IGSF23: variants seen among roughly 807,000 people sequenced by gnomAD.
IGSF23 encodes immunoglobulin superfamily member 23, also known as immunoglobulin superfamily, member 23.
A neutral mutation model predicts 17.8 loss-of-function variants in IGSF23; 14 were observed. That is an observed-to-expected ratio of 0.79 (90% CI 0.52 to 1.23). The LOEUF (loss-of-function observed/expected upper bound fraction) is 1.23. IGSF23 is among the 50% of genes most tolerant of loss of function. The probability of loss-of-function intolerance (pLI) is 0.00; values close to 1 mark genes in which losing one functional copy is unlikely to be tolerated. For missense variants in IGSF23, 214 were observed against 241.7 expected, an observed-to-expected ratio of 0.89 and a Z score of 0.76; for synonymous variants, 85 against 92.5, an observed-to-expected ratio of 0.92 and a Z score of 0.46.
intron 3 of IGSF23, chr19:44,632,311 C>A: frequency 5.5e-6 from 1 of 182,510 alleles, no homozygotes; most frequent in Non-Finnish European, 1.1e-5. Context: ...TGTGTCAGCC[C>A]TTCTTTAAGG....
intron 3 of IGSF23, among the ~76,000 whole-genome samples, chr19:44,628,088 GT>G (rs1972695484): frequency 6.6e-6 from 1 of 151,942 alleles, no homozygotes; most frequent in African/African-American, 2.4e-5. Context: ...GGGATTACAG[GT>G]GCATACCACC....
chr19:44,635,696 A>G (rs780905812), intron 4 of IGSF23, among the ~76,000 whole-genome samples: 7 of 152,182 alleles, frequency 4.6e-5, no homozygotes, highest in African/African-American at 9.6e-5. Flanking sequence ...CAAGCAGTCT[A>G]TATTTCATAA....
chr19:44,621,178 G>A (rs1456222659), intron 1 of IGSF23, among the ~76,000 whole-genome samples: 1 of 151,548 alleles, frequency 6.6e-6, no homozygotes, highest in African/African-American at 2.4e-5. Context: ...AGCTACTCAG[G>A]AGGCTGAGAT....
At position 44,613,620 on chromosome 19, in the gene IGSF23, C is replaced by T. The variant is rs776945760; in HGVS notation, c.-26C>T. On this transcript the variant is annotated 5_prime_UTR_variant, in exon 1 of 5. Transcript: ENST00000402988. ...GGCGATTCTGCTTCTCCCTCCATCT[C>T]CCGGCGGGGATTGTACGGTGAGAGA... 5.3e-5 allele frequency: 80 copies of T among 1,522,818 alleles called. No homozygotes were observed. The South Asian group carries it at 9.5e-4, about 18-fold the overall frequency. 94.3% of individuals were successfully genotyped at this position (1,522,818 alleles called of 1,614,324 possible). A position where few individuals can be genotyped will look rare whatever the true frequency, so the allele number is the denominator to read the frequency against.
intron 1 of IGSF23, among the ~76,000 whole-genome samples, chr19:44,622,839 T>C (rs1972550415): frequency 6.6e-6 from 1 of 152,138 alleles, no homozygotes; most frequent in South Asian, 2.1e-4. Context: ...TCCCTCTGCC[T>C]GGAACATTTT....
intron 4 of IGSF23, 135 bp downstream of exon 4, chr19:44,635,600 G>A (rs953656016): frequency 5.2e-6 from 3 of 580,916 alleles, no homozygotes; most frequent in Non-Finnish European, 8.9e-6. Flanking sequence ...CTCCTGTGGA[G>A]AGCTCCAGGA....
At chr19:44,634,329 C>T (rs1293118553) in intron 3 of IGSF23, among the ~76,000 whole-genome samples, 1 of 152,186 alleles carries the variant, frequency 6.6e-6, no homozygotes, top group African/African-American at 2.4e-5. Context: ...TCAGACTCAG[C>T]AGTTTTCTTT....
chr19:44,624,288 TTC>T (rs1233081540), intron 2 of IGSF23, among the ~76,000 whole-genome samples: 2 of 150,758 alleles, frequency 1.3e-5, no homozygotes, highest in African/African-American at 2.4e-5. Flanking sequence ...CTTCTTCTTC[TTC>T]TTTTTTTTTT....
chr19:44,626,828 A>G (rs1972659346), intron 2 of IGSF23, among the ~76,000 whole-genome samples: 1 of 152,010 alleles, frequency 6.6e-6, no homozygotes, highest in South Asian at 2.1e-4. Context: ...AGGCTGAGAC[A>G]CAAGAATTAC....
intron 1 of IGSF23, among the ~76,000 whole-genome samples, chr19:44,622,817 T>G (rs1972549969): frequency 6.6e-6 from 1 of 152,008 alleles, no homozygotes; most frequent in Non-Finnish European, 1.5e-5. Flanking sequence ...CTCAGGGCCT[T>G]TTACTTGGTG....
At chr19:44,627,343 G>T in intron 2 of IGSF23, 77 bp from the exon 3 acceptor site, 1 of 1,366,234 alleles carries the variant, frequency 7.3e-7, no homozygotes, top group South Asian at 1.5e-5. Flanking sequence ...ACTTGGGAGG[G>T]GGAATGGCAG....
chr19:44,630,911 G>A (rs1972750637), intron 3 of IGSF23, among the ~76,000 whole-genome samples: 1 of 152,162 alleles, frequency 6.6e-6, no homozygotes, highest in African/African-American at 2.4e-5. Flanking sequence ...TGCTGTACAT[G>A]ACCTTGTGGA....
chr19:44,629,734 A>G (rs1213952031), intron 3 of IGSF23, among the ~76,000 whole-genome samples: 1 of 149,246 alleles, frequency 6.7e-6, no homozygotes, highest in African/African-American at 2.5e-5. Context: ...TCTGGGTTGA[A>G]GTGATTCTCC....
rs1436416240 is a variant in IGSF23, at chr19:44,623,973, G to T, written c.391+1G>T. 2.6e-6 allele frequency: 4 copies of T among 1,547,416 alleles called. No individual in the cohort carries two copies. Among genetic ancestry groups the T allele is most frequent in the Non-Finnish European group, 3.5e-6 (4 of 1,145,976 alleles). On this transcript the variant is annotated splice_donor_variant, in intron 2 of 4. Transcript: ENST00000402988. LOFTEE classifies it high-confidence loss of function. The stretch of plus-strand genomic sequence containing the variant: ...GAGCCTGTAACCATCTCGCTGCCAA[G>T]TGAGTCCCCCATTCCACCCCACCCC...
rs909757633 is a variant in IGSF23, at chr19:44,615,307, T to C, written c.125+1537T>C. Among the ~76,000 whole-genome samples, 4 of 148,936 alleles carry C rather than the reference T, an allele frequency of 2.7e-5. No individual in the cohort carries two copies. In the East Asian group the frequency reaches 6.1e-4, roughly 23 times the overall value. ...CCGTCTCAAAAATAAATAAATAAAG[T>C]TCAGTTCTGAGCCGGGTGCAGTGGC... On this transcript the variant is annotated intron_variant, in intron 1 of 4. Transcript: ENST00000402988.
rs998521795 is a variant in IGSF23, at chr19:44,635,002, C to T, written c.546-399C>T. 3.3e-5 allele frequency among the ~76,000 whole-genome samples: 5 copies of T among 152,120 alleles called. No homozygotes were observed. In the South Asian group the frequency reaches 6.2e-4, roughly 19 times the overall value. ...TCCAGCTGCTGTAACAAAAATGCTA[C>T]AGACCGGGGGGGCTTAAACAACAAA... is the stretch of plus-strand genomic sequence containing the variant. On this transcript the variant is annotated intron_variant, in intron 3 of 4. Transcript: ENST00000402988.
chr19:44,618,593 G>A (rs1221889734), intron 1 of IGSF23, among the ~76,000 whole-genome samples: 1 of 152,150 alleles, frequency 6.6e-6, no homozygotes, highest in African/African-American at 2.4e-5. Context: ...TTCAGCTGTT[G>A]GGGTGTCTGG....
intron 3 of IGSF23, among the ~76,000 whole-genome samples, chr19:44,633,337 G>A (rs148027690): frequency 2.5e-3 from 377 of 152,294 alleles, no homozygotes; most frequent in East Asian, 8.3e-3. Context: ...AATCTTTGGC[G>A]GGAACTTTGT....
chr19:44,636,458 A>C lies in IGSF23; in HGVS notation c.*71A>C, dbSNP rs576795434. 6.6e-6 allele frequency: 1 copy of C among 152,128 alleles called. No individual in the cohort carries two copies. Among genetic ancestry groups the C allele is most frequent in the East Asian group, 1.9e-4 (1 of 5,170 alleles). The allele number at this position is 152,128 out of a possible 1,614,324, so 9.4% of individuals were successfully genotyped here. On this transcript the variant is annotated 3_prime_UTR_variant, in exon 5 of 5. Transcript: ENST00000402988. ...CCTCTCTATCCACGTGGAAAAAAAA[A>C]CCCATCCCATAGCTTCCAAGTCTAC...
Sources: gnomAD v4.1 joint callset for allele counts (sites outside exome capture counted in the v4.1 genomes callset) on GRCh38, gnomAD v4.1.1 for gene constraint, MANE v1.5 for transcripts, NCBI Gene and HGNC (gene_info 2026-07-23, HGNC 2026-07-21) for gene names.